FPR1: variants seen among roughly 807,000 people sequenced by gnomAD.
FPR1 encodes the protein formyl peptide receptor 1, also known as N-formyl peptide receptor 1.
For synonymous variants in FPR1, 193 were observed against 176.7 expected (o/e 1.09, Z -0.73); for missense variants, 407 against 453.0 (o/e 0.90, Z 0.92).
At chr19:51,751,018 C>T (rs1255781783) in intron 1 of FPR1, among the ~76,000 whole-genome samples, 2 of 152,170 alleles carry the variant, frequency 1.3e-5, no homozygotes, top group Non-Finnish European at 2.9e-5. Context: ...GTATTACACT[C>T]ATTTCCCCAT....
At chr19:51,748,759 C>G (rs975820233) in intron 1 of FPR1, among the ~76,000 whole-genome samples, 2 of 152,084 alleles carry the variant, frequency 1.3e-5, no homozygotes, top group African/African-American at 4.8e-5. Flanking sequence ...CTGTGCCCAG[C>G]CTAAAATGGT....
intron 1 of FPR1, among the ~76,000 whole-genome samples, chr19:51,748,210 G>A (rs972904634): frequency 2.9e-4 from 44 of 151,894 alleles, no homozygotes; most frequent in Non-Finnish European, 5.1e-4. Flanking sequence ...AGAGAAGGAA[G>A]GAAGACACCA....
chr19:51,747,500 G>T (rs1305867483), intron 1 of FPR1, among the ~76,000 whole-genome samples: 1 of 152,092 alleles, frequency 6.6e-6, no homozygotes. Context: ...TTACAGACGT[G>T]AGCTACCACG....
intron 1 of FPR1, among the ~76,000 whole-genome samples, chr19:51,747,846 A>G (rs2083758137): frequency 6.6e-6 from 1 of 152,160 alleles, no homozygotes; most frequent in Non-Finnish European, 1.5e-5. Context: ...ACATTACTCT[A>G]AACAAAAGAG....
chr19:51,749,870 C>T (rs1019513872), intron 1 of FPR1, among the ~76,000 whole-genome samples: 1 of 152,024 alleles, frequency 6.6e-6, no homozygotes, highest in Non-Finnish European at 1.5e-5. Flanking sequence ...GGGGTTTCAC[C>T]ATGTTGCCCA....
Position 51,746,824 on chromosome 19 carries a change from G to A in FPR1, c.171C>T (p.His57=). ...VIWVAGFRMT[H]TVTTISYLNL... The stretch of plus-strand genomic sequence containing the variant: ...TCAGGTAACTGATGGTGGTGACTGT[G>A]TGTGTCATCCGGAATCCAGCCACCC... Residue 57 remains histidine (H), a synonymous_variant, in exon 2 of 2, where the codon CAC becomes CAT. Transcript: ENST00000304748. The surrounding 1 kb of genome is among the most constrained non-coding windows in gnomAD (Gnocchi z 4.3). 2 of 1,614,182 alleles carry A rather than the reference G, an allele frequency of 1.2e-6. No homozygotes were observed. The highest frequency in any genetic ancestry group is 1.7e-6 in the Non-Finnish European group (2 of 1,180,040).
In FPR1 at chr19:51,746,173, G is replaced by T. The variant is rs547725110; in HGVS notation, c.822C>A (p.Gly274=). The T allele has an allele frequency of 6.2e-7, 1 of 1,614,170 alleles. No individual in the cohort carries two copies. ...ATVRIRELLQ[G]MYKEIGIAVD... The stretch of plus-strand genomic sequence containing the variant: ...CTGCAATACCAATTTCTTTGTACAT[G>T]CCTTGCAATAACTCACGGATTCTGA... The change falls in exon 2 of 2, where the codon GGC becomes GGA. Residue 274 remains glycine (G), a synonymous_variant. Transcript: ENST00000304748. This position sits in a 1 kb window ranked among gnomAD's most constrained non-coding sequence, Gnocchi z 4.3.
At chr19:51,748,484 G>A (rs1405582527) in intron 1 of FPR1, among the ~76,000 whole-genome samples, 3 of 152,192 alleles carry the variant, frequency 2.0e-5, no homozygotes, top group Admixed American at 6.5e-5. Flanking sequence ...TGTTTGAGAC[G>A]CAGTCTCGTT....
chr19:51,750,178 G>A (rs982229586), intron 1 of FPR1: 64 of 152,330 alleles, frequency 4.2e-4, no homozygotes, highest in African/African-American at 1.5e-3. Context: ...GCACAGAAGA[G>A]CTGTCTAATG....
chr19:51,750,031 G>C (rs1026364678), intron 1 of FPR1, among the ~76,000 whole-genome samples: 1 of 152,144 alleles, frequency 6.6e-6, no homozygotes, highest in Non-Finnish European at 1.5e-5. Context: ...GAGGGTCACT[G>C]TCTTTATGGT....
Position 51,746,358 on chromosome 19 carries a change from G to A in FPR1, c.637C>T (p.Pro213Ser), listed in dbSNP as rs762131341. 2 of 1,614,078 alleles carry A rather than the reference G, an allele frequency of 1.2e-6. No individual in the cohort carries two copies. Among genetic ancestry groups the A allele is most frequent in the African/African-American group, 2.7e-5 (2 of 74,920 alleles). The change falls in exon 2 of 2, where the codon CCC becomes TCC. Residue 213 changes from proline (P) to serine (S), a missense_variant. By Grantham distance (74) the Pro-to-Ser change is moderately conservative. Coordinates refer to ENST00000304748, the MANE Select transcript of FPR1 (RefSeq NM_002029.4). This position sits in a 1 kb window ranked among gnomAD's most constrained non-coding sequence, Gnocchi z 4.3. The part of the protein sequence containing the change: ...IIRFIIGFSA[P>S]MSIVAVSYGL... ...TAACTGACAGCAACGATGGACATGG[G>A]TGCGCTGAAGCCAATGATGAACCGG...
chr19:51,746,332 A>G lies in FPR1; in HGVS notation c.663T>C (p.Tyr221=). ...SAPMSIVAVS[Y]GLIATKIHKQ... ...TGTGGATCTTGGTGGCAATAAGCCC[A>G]TAACTGACAGCAACGATGGACATGG... Residue 221 remains tyrosine, a synonymous_variant, in exon 2 of 2, where the codon TAT becomes TAC. Transcript: ENST00000304748. The surrounding 1 kb of genome is among the most constrained non-coding windows in gnomAD (Gnocchi z 4.3). The G allele has an allele frequency of 6.2e-7, 1 of 1,614,100 alleles. No homozygotes were observed. The highest frequency in any genetic ancestry group is 8.5e-7 in the Non-Finnish European group (1 of 1,180,020).
chr19:51,746,298 A>G lies in FPR1; in HGVS notation c.697T>C (p.Leu233=). The G allele has an allele frequency of 6.2e-7, 1 of 1,614,174 alleles. No individual in the cohort carries two copies. Among genetic ancestry groups the G allele is most frequent in the South Asian group, 1.1e-5 (1 of 91,076 alleles). The part of the protein sequence containing the change: ...LIATKIHKQG[L]IKSSRPLRVL... ...CGTAAGGGACGACTGGACTTAATCA[A>G]GCCTTGCTTGTGGATCTTGGTGGCA... The change falls in exon 2 of 2, where the codon TTG becomes CTG. Residue 233 remains leucine, a synonymous_variant. Transcript: ENST00000304748. This position sits in a 1 kb window ranked among gnomAD's most constrained non-coding sequence, Gnocchi z 4.3.
chr19:51,746,707 G>T lies in FPR1; in HGVS notation c.288C>A (p.Phe96Leu). ...AMGGHWPFGW[F>L]LCKFVFTIVD... ...CTATGGTAAAGACGAATTTGCACAG[G>T]AACCAGCCGAAAGGCCAATGTCCTC... Residue 96 changes from phenylalanine to leucine, a missense_variant, in exon 2 of 2, where the codon TTC becomes TTA. Physicochemically the swap from Phe to Leu is conservative, Grantham distance 22. Coordinates refer to ENST00000304748, the MANE Select transcript of FPR1 (RefSeq NM_002029.4). The surrounding 1 kb of genome is among the most constrained non-coding windows in gnomAD (Gnocchi z 4.3). 1 of 1,614,148 alleles carries T rather than the reference G, an allele frequency of 6.2e-7. No homozygotes were observed. The highest frequency in any genetic ancestry group is 8.5e-7 in the Non-Finnish European group (1 of 1,180,034).
chr19:51,748,847 C>T (rs1354464835), intron 1 of FPR1, among the ~76,000 whole-genome samples: 2 of 152,148 alleles, frequency 1.3e-5, no homozygotes, highest in Non-Finnish European at 2.9e-5. Flanking sequence ...TGGGCGACAG[C>T]TTCAGTGACC....
At position 51,746,131 on chromosome 19, in the gene FPR1, G is replaced by T. The variant is rs765741298; in HGVS notation, c.864C>A (p.Ala288=). 10 of 1,614,026 alleles carry T rather than the reference G, an allele frequency of 6.2e-6. No homozygotes were observed. Among genetic ancestry groups the T allele is most frequent in the Admixed American group, 1.7e-5 (1 of 59,990 alleles). ...EIGIAVDVTS[A]LAFFNSCLNP... ...TGAGGCAGCTGTTGAAGAAGGCCAG[G>T]GCACTTGTCACATCCACTGCAATAC... The change falls in exon 2 of 2, where the codon GCC becomes GCA. Residue 288 remains alanine (A), a synonymous_variant. Transcript: ENST00000304748. The surrounding 1 kb of genome is among the most constrained non-coding windows in gnomAD (Gnocchi z 4.3).
chr19:51,747,905 G>A (rs904361789), intron 1 of FPR1, among the ~76,000 whole-genome samples: 1 of 152,208 alleles, frequency 6.6e-6, no homozygotes, highest in Non-Finnish European at 1.5e-5. Flanking sequence ...TTGGGAAGCC[G>A]AGGTAGGAGG....
rs750912266 is a variant in FPR1 at position 51,746,035 on chromosome 19, C to T, written c.960G>A (p.Leu320=). 6.8e-6 allele frequency: 11 copies of T among 1,614,054 alleles called. No homozygotes were observed. The highest frequency in any genetic ancestry group is 8.5e-6 in the Non-Finnish European group (10 of 1,180,036). ...ERLIHALPAS[L]ERALTEDSTQ... ...TTGAGTCCTCGGTCAGGGCCCTCTC[C>T]AGACTGGCGGGAAGGGCGTGGATCA... Residue 320 remains leucine, a synonymous_variant, in exon 2 of 2, where the codon CTG becomes CTA. Coordinates refer to ENST00000304748, the MANE Select transcript of FPR1 (RefSeq NM_002029.4). This position sits in a 1 kb window ranked among gnomAD's most constrained non-coding sequence, Gnocchi z 4.3.
chr19:51,747,076 G>T (rs1305817327), intron 1 of FPR1, 71 bp from the exon 2 acceptor site: 2 of 1,167,818 alleles, frequency 1.7e-6, no homozygotes, highest in Non-Finnish European at 2.4e-6. Flanking sequence ...CCTCATTTCT[G>T]CCCCTGCCAG....
Sources: gnomAD v4.1 joint callset for allele counts (sites outside exome capture counted in the v4.1 genomes callset) on GRCh38, gnomAD v4.1.1 for gene constraint, Gnocchi (gnomAD v3.1) non-coding constraint, MANE v1.5 for transcripts, NCBI Gene and HGNC (gene_info 2026-07-23, HGNC 2026-07-21) for gene names.